The following CTNND2 variants were observed in gnomAD, a reference collection of about 807,000 sequenced individuals.
CTNND2 encodes catenin delta 2, also known as catenin delta-2.
CTNND2 carries 22 observed loss-of-function variants against 144.4 expected under a neutral mutation model. That is an observed-to-expected ratio of 0.15 (90% CI 0.11 to 0.22). The LOEUF (loss-of-function observed/expected upper bound fraction) is 0.22, where lower values mean the gene tolerates loss of function less well. Among genes scored for constraint, CTNND2 ranks in the 10% least tolerant of loss-of-function variants. The pLI is 1.00. For synonymous variants in CTNND2, 751 were observed against 695.6 expected (o/e 1.08, Z -1.25); for missense variants, 1,353 against 1,618.8 (o/e 0.84, Z 2.82).
chr5:11,892,398 G>A (rs1313684494), intron 1 of CTNND2, among the ~76,000 whole-genome samples: 1 of 152,144 alleles, frequency 6.6e-6, no homozygotes, highest in East Asian at 1.9e-4. Context: ...CAGTAAACAT[G>A]AAAGTAACAA....
chr5:11,513,985 C>G (rs926996576), intron 3 of CTNND2, among the ~76,000 whole-genome samples: 26 of 152,014 alleles, frequency 1.7e-4, no homozygotes, highest in African/African-American at 5.8e-4. Flanking sequence ...AATGGGCCAG[C>G]CTGGGCAACA....
intron 3 of CTNND2, among the ~76,000 whole-genome samples, chr5:11,517,661 T>C (rs979817624): frequency 1.3e-5 from 2 of 151,826 alleles, no homozygotes; most frequent in African/African-American, 2.4e-5. Context: ...TTAGGACAAA[T>C]ACATAACGCA....
intron 3 of CTNND2, among the ~76,000 whole-genome samples, chr5:11,436,376 C>T (rs550451170): frequency 3.9e-5 from 6 of 152,228 alleles, no homozygotes; most frequent in Admixed American, 2.0e-4. Context: ...GAGGAAGAAC[C>T]TTCTAAGTCC....
intron 17 of CTNND2, among the ~76,000 whole-genome samples, chr5:11,022,396 G>A (rs992627340): frequency 2.0e-5 from 3 of 152,144 alleles, no homozygotes; most frequent in South Asian, 2.1e-4. Flanking sequence ...TGACTTGGTG[G>A]CTACTGTGAT....
chr5:11,255,659 T>C (rs1744159480), intron 9 of CTNND2, among the ~76,000 whole-genome samples: 1 of 152,162 alleles, frequency 6.6e-6, no homozygotes, highest in Non-Finnish European at 1.5e-5. Context: ...GGCACGGTTA[T>C]CATGGAGGAA....
chr5:11,693,666 G>T (rs1166619441), intron 2 of CTNND2, among the ~76,000 whole-genome samples: 1 of 152,156 alleles, frequency 6.6e-6, no homozygotes, highest in Non-Finnish European at 1.5e-5. Flanking sequence ...ATACAGAAAT[G>T]CTCCATAAAT....
chr5:11,649,969 A>C (rs1782561662), intron 2 of CTNND2, among the ~76,000 whole-genome samples: 1 of 152,138 alleles, frequency 6.6e-6, no homozygotes, highest in South Asian at 2.1e-4. Context: ...ACTTAATATC[A>C]CCTAGCCAGT....
chr5:11,593,288 G>A (rs1304257876), intron 2 of CTNND2, among the ~76,000 whole-genome samples: 1 of 152,154 alleles, frequency 6.6e-6, no homozygotes, highest in Non-Finnish European at 1.5e-5. Flanking sequence ...ACACTAATGG[G>A]AGAAGATATT....
chr5:11,497,502 A>G (rs1408163858), intron 3 of CTNND2, among the ~76,000 whole-genome samples: 1 of 31,270 alleles, frequency 3.2e-5, no homozygotes, highest in Non-Finnish European at 5.9e-5. Context: ...TGAGGCAAAG[A>G]ATGATGTGCG....
At chr5:11,035,523 A>C (rs941648885) in intron 16 of CTNND2, among the ~76,000 whole-genome samples, 1 of 152,218 alleles carries the variant, frequency 6.6e-6, no homozygotes, top group African/African-American at 2.4e-5. Flanking sequence ...TCTCAAGGTT[A>C]GCTGATTATA....
intron 3 of CTNND2, among the ~76,000 whole-genome samples, chr5:11,485,435 C>A (rs1051509656): frequency 2.0e-5 from 3 of 151,386 alleles, no homozygotes; most frequent in African/African-American, 7.3e-5. Context: ...TATTTTAATT[C>A]TTTTTCTACT....
At position 11,328,730 on chromosome 5, in the gene CTNND2, C is replaced by G. The variant is rs139369410; in HGVS notation, c.1628+17642G>C. 1.4e-3 allele frequency among the ~76,000 whole-genome samples: 206 copies of G among 152,324 alleles called. 2 individuals carry two copies. Among genetic ancestry groups the G allele is most frequent in the Admixed American group, 3.7e-3 (56 of 15,304 alleles). On this transcript the variant is annotated intron_variant, in intron 9 of 21. Transcript: ENST00000304623. ...AACAGCCCCTCTTTGAAGATCTACA[C>G]GTGCAGATTATTGCGAAGTCCCACT...
intron 3 of CTNND2, among the ~76,000 whole-genome samples, chr5:11,510,525 C>A (rs953106467): frequency 6.6e-6 from 1 of 152,174 alleles, no homozygotes; most frequent in African/African-American, 2.4e-5. Flanking sequence ...TTATACCTTT[C>A]TTTTATTAAC....
intron 3 of CTNND2, among the ~76,000 whole-genome samples, chr5:11,478,372 A>G (rs961006272): frequency 2.0e-5 from 3 of 152,182 alleles, no homozygotes; most frequent in African/African-American, 7.2e-5. Flanking sequence ...TGGCTCCCAA[A>G]TTGCTCATGT....
chr5:11,421,699 G>T (rs1020497340), intron 3 of CTNND2, among the ~76,000 whole-genome samples: 8 of 152,096 alleles, frequency 5.3e-5, no homozygotes, highest in African/African-American at 1.9e-4. Context: ...AGAGAAAATG[G>T]TGACACAGTC....
intron 9 of CTNND2, among the ~76,000 whole-genome samples, chr5:11,343,468 C>A (rs1754462969): frequency 6.6e-6 from 1 of 152,150 alleles, no homozygotes; most frequent in Non-Finnish European, 1.5e-5. Context: ...TAGACAATTT[C>A]CTTCATTCTT....
chr5:11,593,389 C>A (rs751480721), intron 2 of CTNND2, among the ~76,000 whole-genome samples: 3 of 152,126 alleles, frequency 2.0e-5, no homozygotes, highest in Non-Finnish European at 1.5e-5. Context: ...GGGTAAAATA[C>A]TTAACAAGCA....
chr5:11,887,218 T>C (rs1022844004), intron 1 of CTNND2, among the ~76,000 whole-genome samples: 32 of 151,888 alleles, frequency 2.1e-4, no homozygotes, highest in Admixed American at 8.5e-4. Flanking sequence ...CTTCTGACCT[T>C]GTGATCCGCC....
intron 6 of CTNND2, among the ~76,000 whole-genome samples, chr5:11,393,713 A>C (rs1018600036): frequency 2.6e-5 from 4 of 152,238 alleles, no homozygotes; most frequent in African/African-American, 9.7e-5. Flanking sequence ...AGGGATATGA[A>C]GGTAAGTCTT....
Sources: allele counts gnomAD v4.1 joint callset (sites outside exome capture counted in the v4.1 genomes callset), GRCh38; gene constraint gnomAD v4.1.1; transcripts MANE v1.5; gene names NCBI Gene and HGNC (gene_info 2026-07-23, HGNC 2026-07-21).